The following GPC5 variants were observed in gnomAD, a reference collection of about 807,000 sequenced individuals.
GPC5 encodes the protein glypican-5.
In GPC5, 47 loss-of-function variants were observed where a neutral mutation model predicts 53.9. The observed-to-expected ratio is 0.87, with a 90% CI of 0.69 to 1.11. The LOEUF is 1.11. GPC5 is among the 50% of genes most tolerant of loss of function. GPC5 has a pLI of 0.00. For missense variants in GPC5, 748 were observed against 713.1 expected (o/e 1.05, Z -0.56); for synonymous variants, 286 against 263.3 (o/e 1.09, Z -0.84).
Position 92,748,311 on chromosome 13 carries a change from TTTATTA to T in GPC5, c.1562-117938_1562-117933del, listed in dbSNP as rs71202559. On this transcript the variant is annotated intron_variant, in intron 7 of 7. Coordinates refer to ENST00000377067, the MANE Select transcript of GPC5 (RefSeq NM_004466.6). The stretch of plus-strand genomic sequence containing the variant: ...GGAGAAACTGACATCTGCATTTTAT[TTTATTA>T]TTATTATTATTATTATTATTATTAT... 4.7e-3 allele frequency among the ~76,000 whole-genome samples: 671 copies of T among 142,340 alleles called. 5 individuals carry two copies. Among genetic ancestry groups the T allele is most frequent in the African/African-American group, 0.011 (433 of 38,824 alleles). The allele number at this position is 142,340 out of a possible 152,430, so 93.4% of individuals were successfully genotyped here.
At chr13:91,722,124 G>A (rs972449590) in intron 3 of GPC5, among the ~76,000 whole-genome samples, 23 of 152,056 alleles carry the variant, frequency 1.5e-4, no homozygotes, top group Non-Finnish European at 3.4e-4. Context: ...TTAAACAAAG[G>A]CATCTTTAAA....
At chr13:91,666,514 A>G (rs897698077) in intron 2 of GPC5, among the ~76,000 whole-genome samples, 2 of 152,202 alleles carry the variant, frequency 1.3e-5, no homozygotes, top group Non-Finnish European at 2.9e-5. Flanking sequence ...GATTAAAACA[A>G]AACAATTTTA....
chr13:91,808,698 C>T (rs1269449847), intron 5 of GPC5, among the ~76,000 whole-genome samples: 1 of 152,132 alleles, frequency 6.6e-6, no homozygotes, highest in Non-Finnish European at 1.5e-5. Context: ...TCTGTAGTCT[C>T]CAGACCTAAA....
chr13:92,181,073 A>G (rs559551066), intron 7 of GPC5, among the ~76,000 whole-genome samples: 1 of 152,272 alleles, frequency 6.6e-6, no homozygotes, highest in South Asian at 2.1e-4. Flanking sequence ...CCACTTGCCA[A>G]GCCTGCCTGG....
At chr13:92,021,945 G>T (rs1264297364) in intron 6 of GPC5, among the ~76,000 whole-genome samples, 1 of 151,922 alleles carries the variant, frequency 6.6e-6, no homozygotes, top group Admixed American at 6.6e-5. Flanking sequence ...GCTATAGTGA[G>T]GAACATTGAT....
intron 5 of GPC5, among the ~76,000 whole-genome samples, chr13:91,904,428 C>A (rs991827757): frequency 1.3e-5 from 2 of 151,892 alleles, no homozygotes; most frequent in African/African-American, 4.8e-5. Context: ...AAAAAAATAA[C>A]ATTTTGCACC....
chr13:91,616,060 A>C (rs1566555387), intron 2 of GPC5, among the ~76,000 whole-genome samples: 1 of 152,292 alleles, frequency 6.6e-6, no homozygotes, highest in South Asian at 2.1e-4. Flanking sequence ...GTGAAAACAA[A>C]AAAAAGCATT....
intron 7 of GPC5, among the ~76,000 whole-genome samples, chr13:92,402,589 G>T (rs962420699): frequency 6.6e-6 from 1 of 152,146 alleles, no homozygotes; most frequent in African/African-American, 2.4e-5. Context: ...AAGCTGTTCT[G>T]CCTCAGAACA....
chr13:92,158,683 A>G (rs73620868), intron 7 of GPC5, among the ~76,000 whole-genome samples: 1,819 of 150,020 alleles, frequency 0.012, 53 homozygotes, highest in African/African-American at 0.042. Flanking sequence ...TAATTCCTCA[A>G]CATCTCTTGC....
Position 92,705,524 on chromosome 13 carries a change from A to T in GPC5, c.1562-160758A>T, listed in dbSNP as rs946910026. 5.9e-5 allele frequency among the ~76,000 whole-genome samples: 9 copies of T among 152,204 alleles called. No individual in the cohort carries two copies. In the East Asian group the frequency reaches 1.7e-3, roughly 29 times the overall value. ...TTTAAAGACATAATATAGAAAAAAT[A>T]AGAATGTAAAAATCTCATCAATAAT... On this transcript the variant is annotated intron_variant, in intron 7 of 7. Transcript: ENST00000377067.
At chr13:92,328,796 TGTG>T (rs1056344345) in intron 7 of GPC5, among the ~76,000 whole-genome samples, 7 of 152,144 alleles carry the variant, frequency 4.6e-5, no homozygotes, top group African/African-American at 1.4e-4. Context: ...TTCTGGTCCT[TGTG>T]GTGTTTTCTG....
chr13:92,817,645 C>CT (rs1877521532), intron 7 of GPC5, among the ~76,000 whole-genome samples: 1 of 151,888 alleles, frequency 6.6e-6, no homozygotes, highest in South Asian at 2.1e-4. Flanking sequence ...ATTGATGCTT[C>CT]TTTGGAAATT....
chr13:92,034,338 A>G (rs2040876509), intron 6 of GPC5, among the ~76,000 whole-genome samples: 1 of 152,062 alleles, frequency 6.6e-6, no homozygotes, highest in Admixed American at 6.6e-5. Context: ...TCTACTAAAA[A>G]TACAAAAAAA....
rs60400843 is a variant in GPC5 at position 92,036,275 on chromosome 13, A to G, written c.1402-108555A>G. On this transcript the variant is annotated intron_variant, in intron 6 of 7. Coordinates refer to ENST00000377067, the MANE Select transcript of GPC5 (RefSeq NM_004466.6). ...TATTTATCTGTTTCATGTTCCTTCT[A>G]TAATTGGATGCAAAATAAATGAAGC... 2.1e-3 allele frequency among the ~76,000 whole-genome samples: 323 copies of G among 152,314 alleles called. 1 individual carries two copies. Among genetic ancestry groups the G allele is most frequent in the African/African-American group, 7.4e-3 (309 of 41,576 alleles).
intron 2 of GPC5, among the ~76,000 whole-genome samples, chr13:91,531,753 G>A (rs1886354982): frequency 6.6e-6 from 1 of 152,194 alleles, no homozygotes; most frequent in South Asian, 2.1e-4. Flanking sequence ...GAACTGGTAT[G>A]TGTGATAAAG....
chr13:92,150,354 A>C (rs2038637776), intron 7 of GPC5, among the ~76,000 whole-genome samples: 1 of 152,060 alleles, frequency 6.6e-6, no homozygotes, highest in Admixed American at 6.5e-5. Context: ...CTTTGAAATT[A>C]CCATCTAGTG....
intron 2 of GPC5, among the ~76,000 whole-genome samples, chr13:91,589,937 T>C (rs1359278015): frequency 6.6e-6 from 1 of 152,164 alleles, no homozygotes; most frequent in Admixed American, 6.5e-5. Context: ...TTCAGTCCTA[T>C]AGTGTGTAAC....
At chr13:92,292,460 G>T (rs902443168) in intron 7 of GPC5, among the ~76,000 whole-genome samples, 2 of 152,004 alleles carry the variant, frequency 1.3e-5, no homozygotes, top group South Asian at 2.1e-4. Flanking sequence ...TACATTTGTT[G>T]GCCATTTGTG....
chr13:92,029,136 G>A (rs1257999703), intron 6 of GPC5, among the ~76,000 whole-genome samples: 2 of 151,978 alleles, frequency 1.3e-5, no homozygotes, highest in Non-Finnish European at 2.9e-5. Context: ...CAGTATCACC[G>A]TTTAGAAATC....
Sources: gnomAD v4.1 joint callset for allele counts (sites outside exome capture counted in the v4.1 genomes callset) on GRCh38, gnomAD v4.1.1 for gene constraint, MANE v1.5 for transcripts, NCBI Gene and HGNC (gene_info 2026-07-23, HGNC 2026-07-21) for gene names.